The following ABCA1 variants were observed in gnomAD, a reference collection of about 807,000 sequenced individuals.
The protein encoded by ABCA1 is phospholipid-transporting ATPase ABCA1.
Under a neutral mutation model 262.5 loss-of-function variants are expected in ABCA1, and 133 were observed. The ratio of observed to expected loss-of-function variants is 0.51; its 90% CI spans 0.44 to 0.59. The LOEUF is 0.59. Among genes scored for constraint, ABCA1 ranks in the 20% least tolerant of loss-of-function variants. The pLI is 0.00. For missense variants in ABCA1, 2,452 were observed against 2,777.5 expected (o/e 0.88, Z 2.63); for synonymous variants, 1,022 against 1,043.5 (o/e 0.98, Z 0.40).
rs59606859 is a variant in ABCA1 at position 104,843,888 on chromosome 9, G to A, written c.813+1589C>T. Among the ~76,000 whole-genome samples, 149 of 152,228 alleles carry A rather than the reference G, an allele frequency of 9.8e-4. 1 individual carries two copies. The highest frequency in any genetic ancestry group is 3.5e-3 in the African/African-American group (146 of 41,532). ...GGTGTTCTATTGAAAGAGGCAGATG[G>A]TCCTTGCTTGTCCTGGACCAGGAGC... is the stretch of plus-strand genomic sequence containing the variant. On this transcript the variant is annotated intron_variant, in intron 8 of 49. Transcript: ENST00000374736.
chr9:104,810,169 C>CT (rs930311534), intron 29 of ABCA1, among the ~76,000 whole-genome samples: 24 of 116,942 alleles, frequency 2.1e-4, no homozygotes, highest in African/African-American at 3.9e-4. Flanking sequence ...TATATATATA[C>CT]TTTTTTTTTT....
At chr9:104,875,004 T>C (rs1838017324) in intron 5 of ABCA1, among the ~76,000 whole-genome samples, 1 of 151,812 alleles carries the variant, frequency 6.6e-6, no homozygotes, top group Admixed American at 6.6e-5. Flanking sequence ...CAGCAGCTCA[T>C]TGAGAATGGG....
intron 3 of ABCA1, among the ~76,000 whole-genome samples, chr9:104,885,108 C>T (rs965127245): frequency 3.9e-5 from 6 of 152,098 alleles, no homozygotes; most frequent in Non-Finnish European, 4.4e-5. Flanking sequence ...TGGTGGCAGG[C>T]GCCTGTAATC....
intron 25 of ABCA1, among the ~76,000 whole-genome samples, chr9:104,814,993 T>C (rs1334546443): frequency 6.6e-6 from 1 of 151,830 alleles, no homozygotes; most frequent in African/African-American, 2.4e-5. Flanking sequence ...AAAACTCCAG[T>C]CTCATCAAAA....
chr9:104,861,699 C>T lies in ABCA1; in HGVS notation c.523G>A (p.Ala175Thr). ...PKSTVDKMLRADVILHKVFLQ... is the reference protein window; with the variant it reads ...PKSTVDKMLRTDVILHKVFLQ... ...CTTACCTTGTGGAGAATGACATCAGCCCTCAGCATCTTGTCCACAGTAGAC... is the reference window on the plus strand; with the variant it reads ...CTTACCTTGTGGAGAATGACATCAGTCCTCAGCATCTTGTCCACAGTAGAC... Residue 175 changes from alanine (A) to threonine (T), a missense_variant, in exon 6 of 50, where the codon GCT becomes ACT. Transcript: ENST00000374736. 6.2e-7 allele frequency: 1 copy of T among 1,614,124 alleles called. No homozygotes were observed. Among genetic ancestry groups the T allele is most frequent in the Non-Finnish European group, 8.5e-7 (1 of 1,180,026 alleles).
intron 2 of ABCA1, among the ~76,000 whole-genome samples, chr9:104,894,363 A>G (rs1394213235): frequency 6.6e-6 from 1 of 152,208 alleles, no homozygotes; most frequent in Non-Finnish European, 1.5e-5. Flanking sequence ...AGCAAAGGGC[A>G]AACAAAAAAT....
At chr9:104,807,289 G>A (rs1046569831) in intron 30 of ABCA1, among the ~76,000 whole-genome samples, 5 of 152,132 alleles carry the variant, frequency 3.3e-5, no homozygotes, top group African/African-American at 9.7e-5. Context: ...AAAGAGCTAC[G>A]CTGTCTACAA....
intron 15 of ABCA1, 29 bp downstream of exon 15, chr9:104,828,887 G>GC: frequency 6.2e-7 from 1 of 1,609,782 alleles, no homozygotes; most frequent in Middle Eastern, 1.7e-4. Flanking sequence ...GAGTTTCCTG[G>GC]CAGGGAAGAG....
chr9:104,834,547 G>C (rs1351428831), intron 11 of ABCA1, among the ~76,000 whole-genome samples: 2 of 148,652 alleles, frequency 1.3e-5, no homozygotes. Flanking sequence ...AGTCGGCCCT[G>C]CCCAGTATGG....
intron 1 of ABCA1, among the ~76,000 whole-genome samples, chr9:104,926,016 T>TA (rs71364036): frequency 0.29 from 43,789 of 148,588 alleles, 6,552 homozygotes; most frequent in Middle Eastern, 0.38. Context: ...CTACGGCCGT[T>TA]AAAAAAAAAA....
chr9:104,900,043 G>C (rs1026228432), intron 2 of ABCA1, among the ~76,000 whole-genome samples: 4 of 152,164 alleles, frequency 2.6e-5, no homozygotes, highest in Non-Finnish European at 5.9e-5. Context: ...AACCCTGGCT[G>C]ATGGTCCCCC....
chr9:104,868,374 A>C (rs1427157060), intron 5 of ABCA1, among the ~76,000 whole-genome samples: 2 of 152,194 alleles, frequency 1.3e-5, no homozygotes, highest in South Asian at 2.1e-4. Context: ...AAACAAAAAA[A>C]ACGGGGCTAA....
chr9:104,864,888 G>A (rs80227816), intron 5 of ABCA1, among the ~76,000 whole-genome samples: 117 of 152,358 alleles, frequency 7.7e-4, no homozygotes, highest in African/African-American at 2.7e-3. Flanking sequence ...ACATCTGGAT[G>A]TGATCAAGCT....
intron 30 of ABCA1, among the ~76,000 whole-genome samples, chr9:104,807,035 C>A (rs1830828027): frequency 6.6e-6 from 1 of 152,100 alleles, no homozygotes. Context: ...TACAAAGGCC[C>A]TAGGAAGAAA....
Position 104,820,156 on chromosome 9 carries a change from C to G in ABCA1, c.2961-87G>C, listed in dbSNP as rs1274795384. On this transcript the variant is annotated intron_variant, in intron 20 of 49. Transcript: ENST00000374736. ...CTGGCCCAGAACAGATGAGAATGGG[C>G]ATATTTTTCTCTCCCCGTGCTTTTT... The G allele has an allele frequency of 2.0e-6, 3 of 1,517,432 alleles. No individual in the cohort carries two copies. The East Asian group carries it at 6.8e-5, about 34-fold the overall frequency. 94.0% of individuals were successfully genotyped at this position (1,517,432 alleles called of 1,614,324 possible).
intron 19 of ABCA1, among the ~76,000 whole-genome samples, chr9:104,822,045 C>T (rs1004125440): frequency 2.0e-5 from 3 of 152,160 alleles, no homozygotes; most frequent in African/African-American, 7.2e-5. Flanking sequence ...AACGCTGGTG[C>T]TTTACAGCCC....
At chr9:104,819,368 A>G (rs1588293016) in intron 22 of ABCA1, among the ~76,000 whole-genome samples, 1 of 151,996 alleles carries the variant, frequency 6.6e-6, no homozygotes, top group East Asian at 1.9e-4. Flanking sequence ...CTTTCAACTA[A>G]CCATAAATTT....
intron 1 of ABCA1, among the ~76,000 whole-genome samples, chr9:104,926,940 G>T (rs918139360): frequency 6.6e-6 from 1 of 151,656 alleles, no homozygotes; most frequent in African/African-American, 2.4e-5. Flanking sequence ...GGCCGCGCGC[G>T]GTGGCTCACG....
At chr9:104,791,069 A>T in intron 43 of ABCA1, 41 bp from the exon 44 acceptor site, 1 of 1,436,298 alleles carries the variant, frequency 7.0e-7, no homozygotes, top group Non-Finnish European at 9.8e-7. Context: ...AACTCTAAAA[A>T]CATGAATATA....
Sources: allele counts gnomAD v4.1 joint callset (sites outside exome capture counted in the v4.1 genomes callset), GRCh38; gene constraint gnomAD v4.1.1; transcripts MANE v1.5; gene names NCBI Gene and HGNC (gene_info 2026-07-23, HGNC 2026-07-21).